The following LRRC1 variants were observed in gnomAD, a reference collection of about 807,000 sequenced individuals.
LRRC1 encodes the protein leucine-rich repeat-containing protein 1.
A neutral mutation model predicts 69.9 loss-of-function variants in LRRC1; 28 were observed. That is an observed-to-expected ratio of 0.40 (90% confidence interval 0.30 to 0.55). The LOEUF is 0.55. LRRC1 is among the 20% of genes least tolerant of loss of function. The pLI is 0.47. For synonymous variants in LRRC1, 236 were observed against 240.2 expected (o/e 0.98, Z 0.16); for missense variants, 498 against 609.0 (o/e 0.82, Z 1.92).
At chr6:53,852,679 G>A (rs560544420) in intron 2 of LRRC1, among the ~76,000 whole-genome samples, 1 of 152,256 alleles carries the variant, frequency 6.6e-6, no homozygotes, top group East Asian at 1.9e-4. Context: ...AGATAATAAG[G>A]GCAGAGCTGA....
intron 11 of LRRC1, among the ~76,000 whole-genome samples, chr6:53,917,907 G>T (rs995091417): frequency 4.6e-5 from 7 of 152,160 alleles, no homozygotes; most frequent in Non-Finnish European, 8.8e-5. Flanking sequence ...TAACTTCCTC[G>T]CATTTGAGTT....
chr6:53,862,238 T>G (rs186365092), intron 2 of LRRC1, among the ~76,000 whole-genome samples: 3 of 151,940 alleles, frequency 2.0e-5, no homozygotes, highest in South Asian at 2.1e-4. Context: ...TTTCCCCTCA[T>G]TTTTGATATT....
At chr6:53,817,749 T>A (rs540706638) in intron 1 of LRRC1, among the ~76,000 whole-genome samples, 1 of 152,328 alleles carries the variant, frequency 6.6e-6, no homozygotes, top group South Asian at 2.1e-4. Context: ...CTTGTCTTTC[T>A]GTGTTTTGTT....
intron 2 of LRRC1, among the ~76,000 whole-genome samples, chr6:53,849,265 C>T (rs1214091571): frequency 6.6e-6 from 1 of 152,190 alleles, no homozygotes; most frequent in Non-Finnish European, 1.5e-5. Context: ...ACATGCTACG[C>T]TCTGTGTTAG....
At chr6:53,889,965 A>T (rs1376879681) in intron 4 of LRRC1, among the ~76,000 whole-genome samples, 3 of 152,176 alleles carry the variant, frequency 2.0e-5, no homozygotes, top group Admixed American at 1.3e-4. Flanking sequence ...GCACCTGGTG[A>T]TCAGGCAGGT....
chr6:53,914,772 A>AT (rs1768515617), intron 11 of LRRC1, among the ~76,000 whole-genome samples: 1 of 151,776 alleles, frequency 6.6e-6, no homozygotes, highest in East Asian at 1.9e-4. Context: ...CTCAAGCTTT[A>AT]TTTTCTCCAG....
chr6:53,872,676 G>A (rs1394595496), intron 2 of LRRC1, among the ~76,000 whole-genome samples: 1 of 151,014 alleles, frequency 6.6e-6, no homozygotes, highest in Non-Finnish European at 1.5e-5. Context: ...GAATATCAGT[G>A]GTATTTTGAC....
chr6:53,798,622 A>C (rs1581836443), intron 1 of LRRC1, among the ~76,000 whole-genome samples: 2 of 151,874 alleles, frequency 1.3e-5, no homozygotes, highest in African/African-American at 4.8e-5. Context: ...CTCATGACCC[A>C]CCCGCCTTAG....
At chr6:53,890,736 T>C (rs1048682438) in intron 4 of LRRC1, among the ~76,000 whole-genome samples, 4 of 152,156 alleles carry the variant, frequency 2.6e-5, no homozygotes, top group African/African-American at 9.7e-5. Flanking sequence ...AATTCTAATT[T>C]GATGCTGAAA....
chr6:53,874,645 A>T (rs1767007821), intron 2 of LRRC1, among the ~76,000 whole-genome samples: 1 of 152,016 alleles, frequency 6.6e-6, no homozygotes, highest in Non-Finnish European at 1.5e-5. Flanking sequence ...TTTTTCTTTA[A>T]TTCTCCCTTT....
intron 2 of LRRC1, among the ~76,000 whole-genome samples, chr6:53,878,260 T>C (rs1767141748): frequency 6.6e-6 from 1 of 152,220 alleles, no homozygotes; most frequent in South Asian, 2.1e-4. Context: ...CCAAATCATA[T>C]GAGCAGTTTT....
intron 2 of LRRC1, among the ~76,000 whole-genome samples, chr6:53,857,880 G>A (rs1766363918): frequency 1.3e-5 from 2 of 152,224 alleles, no homozygotes; most frequent in African/African-American, 2.4e-5. Context: ...GGATCTGCCA[G>A]TTCTAAGGGA....
chr6:53,881,306 C>G (rs748532076), intron 3 of LRRC1, among the ~76,000 whole-genome samples: 7 of 152,162 alleles, frequency 4.6e-5, no homozygotes, highest in Non-Finnish European at 8.8e-5. Flanking sequence ...GACTGCAGTT[C>G]GTTTCTCCTA....
At chr6:53,798,377 TTTTA>T (rs1581836270) in intron 1 of LRRC1, among the ~76,000 whole-genome samples, 1 of 152,210 alleles carries the variant, frequency 6.6e-6, no homozygotes, top group African/African-American at 2.4e-5. Context: ...TTTGTTTATT[TTTTA>T]TTTATTTATT....
At chr6:53,915,935 T>C (rs1459124717) in intron 11 of LRRC1, among the ~76,000 whole-genome samples, 1 of 152,172 alleles carries the variant, frequency 6.6e-6, no homozygotes, top group Non-Finnish European at 1.5e-5. Context: ...TCATACTAAA[T>C]CATTAAATAC....
intron 1 of LRRC1, among the ~76,000 whole-genome samples, chr6:53,798,147 ACTC>A (rs559893027): frequency 1.6e-3 from 237 of 152,168 alleles, no homozygotes; most frequent in African/African-American, 5.4e-3. Context: ...CGGTTAAACT[ACTC>A]CTAAGCTATG....
intron 11 of LRRC1, among the ~76,000 whole-genome samples, chr6:53,915,123 C>A (rs1231200872): frequency 3.9e-5 from 6 of 152,130 alleles, no homozygotes; most frequent in Non-Finnish European, 7.4e-5. Flanking sequence ...GAAAAAGGTT[C>A]AACTGCTTGG....
chr6:53,810,487 G>C (rs1481849538), intron 1 of LRRC1, among the ~76,000 whole-genome samples: 1 of 152,044 alleles, frequency 6.6e-6, no homozygotes, highest in Non-Finnish European at 1.5e-5. Flanking sequence ...GGGCGTGGTC[G>C]TGGGCACCTG....
intron 1 of LRRC1, among the ~76,000 whole-genome samples, chr6:53,829,252 A>G (rs1169207925): frequency 1.3e-5 from 2 of 152,214 alleles, no homozygotes; most frequent in Non-Finnish European, 2.9e-5. Context: ...CTTCAGTTGG[A>G]CCATTTGTGA....
Sources: allele counts gnomAD v4.1 joint callset (sites outside exome capture counted in the v4.1 genomes callset), GRCh38; gene constraint gnomAD v4.1.1; transcripts MANE v1.5; gene names NCBI Gene and HGNC (gene_info 2026-07-23, HGNC 2026-07-21).